Variants in ZRANB1 observed in about 807,000 individuals in gnomAD.
ZRANB1 encodes zinc finger RANBP2-type containing 1, also known as ubiquitin thioesterase ZRANB1.
Under a neutral mutation model 80.5 loss-of-function variants are expected in ZRANB1, and 16 were observed. The ratio of observed to expected loss-of-function variants is 0.20; its 90% CI spans 0.13 to 0.30. The LOEUF (loss-of-function observed/expected upper bound fraction) is 0.30. Ranked by LOEUF, ZRANB1 falls within the 10% of genes least tolerant of loss-of-function variation. ZRANB1 has a pLI of 1.00. For synonymous variants in ZRANB1, 291 were observed against 293.1 expected (o/e 0.99, Z 0.07); for missense variants, 576 against 862.6 (o/e 0.67, Z 4.16).
chr10:124,975,446 A>G (rs1332586267), intron 5 of ZRANB1, among the ~76,000 whole-genome samples: 2 of 152,180 alleles, frequency 1.3e-5, no homozygotes, highest in Non-Finnish European at 2.9e-5. Context: ...AAGTAATTCA[A>G]CATTGATTCT....
chr10:124,966,725 G>A lies in ZRANB1; in HGVS notation c.946G>A (p.Val316Ile). ...PSAFDVGYTLVHLAIRFQRQD... is the reference protein window; with the variant it reads ...PSAFDVGYTLIHLAIRFQRQD... ...TGCCTTTGATGTTGGCTATACTCTT[G>A]TACACTTGGCTATACGTTTTCAGAG... Residue 316 changes from valine (V) to isoleucine (I), a missense_variant, in exon 2 of 9, where the codon GTA (valine) becomes ATA (isoleucine). Val to Ile is a conservative substitution (Grantham distance 29, BLOSUM62 3). Transcript: ENST00000359653. 1 of 1,614,126 alleles carries A rather than the reference G, an allele frequency of 6.2e-7. No homozygotes were observed. The highest frequency in any genetic ancestry group is 8.5e-7 in the Non-Finnish European group (1 of 1,180,024).
intron 1 of ZRANB1, among the ~76,000 whole-genome samples, chr10:124,959,642 A>AT (rs1321969328): frequency 6.6e-6 from 1 of 151,998 alleles, no homozygotes; most frequent in East Asian, 1.9e-4. Flanking sequence ...TATTCTTTAA[A>AT]TTTTTTGTGG....
the ZRANB1 span, among the ~76,000 whole-genome samples, chr10:124,923,540 C>T: frequency 6.9e-4 from 105 of 151,856 alleles, no homozygotes; most frequent in East Asian, 0.017. Flanking sequence ...TGCAGTGAGC[C>T]GAGATTGTGC....
chr10:124,946,845 C>T (rs1951589623), intron 1 of ZRANB1, among the ~76,000 whole-genome samples: 1 of 152,070 alleles, frequency 6.6e-6, no homozygotes, highest in Non-Finnish European at 1.5e-5. Flanking sequence ...TCTTTACGTC[C>T]CTTTTCTGCC....
In ZRANB1 at chr10:124,970,833, GTTTTTT is replaced by G. The variant is rs34391929; in HGVS notation, c.1003-1113_1003-1108del. On this transcript the variant is annotated intron_variant, in intron 2 of 8. Transcript: ENST00000359653. The stretch of plus-strand genomic sequence containing the variant: ...GGGTTCCCACGGTATTCTCTTTGGG[GTTTTTT>G]TTTTTTTTTTTTTTTTTTGGCAGAG... Among the ~76,000 whole-genome samples, 9 of 85,400 alleles carry G rather than the reference GTTTTTT, an allele frequency of 1.1e-4. No individual in the cohort carries two copies. In the East Asian group the frequency reaches 1.2e-3, roughly 11 times the overall value. The allele number at this position is 85,400 out of a possible 152,430, so 56.0% of individuals were successfully genotyped here.
At chr10:124,939,766 T>A (rs574658337), upstream of ZRANB1, among the ~76,000 whole-genome samples, 1 of 152,322 alleles carries the variant, frequency 6.6e-6, no homozygotes, top group Admixed American at 6.5e-5. Flanking sequence ...AAGTAACTTA[T>A]ATTTCATTCC....
chr10:124,966,500 G>A, intron 1 of ZRANB1, 94 bp from the exon 2 acceptor site: 1 of 1,255,460 alleles, frequency 8.0e-7, no homozygotes. Flanking sequence ...GAAGCACAGA[G>A]AAACACTTAA....
chr10:124,922,313 ATG>A, the ZRANB1 span, among the ~76,000 whole-genome samples: 32 of 26,392 alleles, frequency 1.2e-3, no homozygotes, highest in Middle Eastern at 0.05. Flanking sequence ...ATATATATAT[ATG>A]TAAAATATAT....
the ZRANB1 span, among the ~76,000 whole-genome samples, chr10:124,922,576 T>G: frequency 1.3e-5 from 2 of 149,546 alleles, no homozygotes; most frequent in Admixed American, 1.3e-4. Context: ...CACTGCAACC[T>G]CCACCACCCG....
intron 1 of ZRANB1, among the ~76,000 whole-genome samples, chr10:124,949,092 A>C (rs998545134): frequency 6.6e-6 from 1 of 152,208 alleles, no homozygotes; most frequent in African/African-American, 2.4e-5. Flanking sequence ...GTTTATCACC[A>C]GGCAGTCTAT....
chr10:124,917,553 C>T, the ZRANB1 span, among the ~76,000 whole-genome samples: 2 of 152,182 alleles, frequency 1.3e-5, no homozygotes, highest in Admixed American at 6.5e-5. Context: ...CCGGTCCCAC[C>T]GCCGCTCTTC....
At position 124,959,835 on chromosome 10, in the gene ZRANB1, A is replaced by G. The variant is rs560820395; in HGVS notation, c.815-6759A>G. ...GAAGACCACACTCACCCTAGTGTAG[A>G]GGGAGCAACACTTGAGATGGCAGAC... On this transcript the variant is annotated intron_variant, in intron 1 of 8. Transcript: ENST00000359653. 9.3e-4 allele frequency among the ~76,000 whole-genome samples: 142 copies of G among 152,288 alleles called. 2 individuals carry two copies. The highest frequency in any genetic ancestry group is 1.8e-3 in the Non-Finnish European group (123 of 68,020).
the ZRANB1 span, among the ~76,000 whole-genome samples, chr10:124,933,102 T>C: frequency 6.6e-6 from 1 of 151,856 alleles, no homozygotes; most frequent in Admixed American, 6.6e-5. Flanking sequence ...AAATAATCAG[T>C]GAAGTCCAGC....
intron 1 of ZRANB1, among the ~76,000 whole-genome samples, chr10:124,952,464 A>AT (rs1160370512): frequency 6.6e-6 from 1 of 152,168 alleles, no homozygotes; most frequent in Non-Finnish European, 1.5e-5. Flanking sequence ...CAACACCTTG[A>AT]TTTTAGCTCA....
rs1952023796 is a variant in ZRANB1, at chr10:124,985,951, A to T, written c.*959A>T. 6.6e-6 allele frequency: 1 copy of T among 152,254 alleles called. No individual in the cohort carries two copies. The highest frequency in any genetic ancestry group is 1.9e-4 in the East Asian group (1 of 5,206). The allele number at this position is 152,254 out of a possible 1,614,324, so 9.4% of individuals were successfully genotyped here. A position where few individuals can be genotyped will look rare whatever the true frequency, so the allele number is the denominator to read the frequency against. On this transcript the variant is annotated 3_prime_UTR_variant, in exon 9 of 9. Transcript: ENST00000359653. ...TTGTTAGAAGGGCATGCCTTTGCTT[A>T]GGCAGATTGGGAATACCAATTCACT... is the stretch of plus-strand genomic sequence containing the variant.
In ZRANB1 at chr10:124,985,090, C is replaced by A; in HGVS notation, c.*98C>A. On this transcript the variant is annotated 3_prime_UTR_variant, in exon 9 of 9. Transcript: ENST00000359653. ...GCAGAGTCGACATCATGGAATGAAC[C>A]AAATCTGGCAGGATCTGCTCGGGGA... 1.1e-6 allele frequency: 1 copy of A among 945,284 alleles called. No homozygotes were observed. Among genetic ancestry groups the A allele is most frequent in the African/African-American group, 1.6e-5 (1 of 61,018 alleles). 58.6% of individuals were successfully genotyped at this position (945,284 alleles called of 1,614,324 possible). A position where few individuals can be genotyped will look rare whatever the true frequency, so the allele number is the denominator to read the frequency against.
chr10:124,935,364 G>A, the ZRANB1 span, among the ~76,000 whole-genome samples: 3 of 152,220 alleles, frequency 2.0e-5, no homozygotes, highest in Non-Finnish European at 2.9e-5. Context: ...AACTCAGATA[G>A]AAAGAAGGTA....
chr10:124,965,175 A>G (rs1387293076), intron 1 of ZRANB1, among the ~76,000 whole-genome samples: 1 of 152,168 alleles, frequency 6.6e-6, no homozygotes, highest in African/African-American at 2.4e-5. Flanking sequence ...AGGATGTGTA[A>G]GGTGGGTGGA....
intron 5 of ZRANB1, among the ~76,000 whole-genome samples, chr10:124,976,565 CTTTTTTTTT>C (rs138858881): frequency 5.3e-5 from 4 of 75,710 alleles, no homozygotes; most frequent in Admixed American, 1.6e-4. Flanking sequence ...TGGTAATTTC[CTTTTTTTTT>C]TTTTTTTTTT....
Sources: gnomAD v4.1 joint callset for allele counts (sites outside exome capture counted in the v4.1 genomes callset) on GRCh38, gnomAD v4.1.1 for gene constraint, MANE v1.5 for transcripts, NCBI Gene and HGNC (gene_info 2026-07-23, HGNC 2026-07-21) for gene names.